RFX7: variants seen among roughly 807,000 people sequenced by gnomAD.
RFX7 encodes regulatory factor X7, also known as DNA-binding protein RFX7.
In RFX7, 26 loss-of-function variants were observed where a neutral mutation model predicts 111.8. The observed-to-expected ratio is 0.23, with a 90% CI of 0.17 to 0.32. The LOEUF (loss-of-function observed/expected upper bound fraction) is 0.32. Among genes scored for constraint, RFX7 ranks in the 10% least tolerant of loss-of-function variants. The pLI is 1.00. For synonymous variants in RFX7, 624 were observed against 624.4 expected (o/e 1.00, Z 0.01); for missense variants, 1,573 against 1,772.9 (o/e 0.89, Z 2.02).
chr15:56,141,223 C>T (rs1202229123), intron 5 of RFX7, among the ~76,000 whole-genome samples: 1 of 151,186 alleles, frequency 6.6e-6, no homozygotes, highest in Non-Finnish European at 1.5e-5. Flanking sequence ...TGATGCATGC[C>T]CATAGTGTTA....
intron 2 of RFX7, among the ~76,000 whole-genome samples, chr15:56,219,524 C>T (rs1458541751): frequency 2.6e-5 from 4 of 152,174 alleles, no homozygotes; most frequent in African/African-American, 9.7e-5. Flanking sequence ...TTACCCTCTA[C>T]CCTCAAGTAG....
At chr15:56,097,652 C>T (rs926268510) in intron 9 of RFX7, among the ~76,000 whole-genome samples, 1 of 141,252 alleles carries the variant, frequency 7.1e-6, no homozygotes, top group African/African-American at 2.6e-5. Flanking sequence ...GAGGCTGAGG[C>T]AGAATAATTG....
intron 2 of RFX7, among the ~76,000 whole-genome samples, chr15:56,203,549 G>A (rs1485520694): frequency 6.6e-6 from 1 of 152,164 alleles, no homozygotes; most frequent in Non-Finnish European, 1.5e-5. Context: ...TGCATTCCCA[G>A]ACATTAAGGC....
chr15:56,218,432 T>C (rs2043389777), intron 2 of RFX7, among the ~76,000 whole-genome samples: 1 of 152,122 alleles, frequency 6.6e-6, no homozygotes, highest in African/African-American at 2.4e-5. Context: ...ACACCCAGCC[T>C]AGAAACAATT....
At chr15:56,122,775 T>G (rs74805887) in intron 5 of RFX7, among the ~76,000 whole-genome samples, 9,933 of 152,078 alleles carry the variant, frequency 0.065, 441 homozygotes, top group Admixed American at 0.1. Flanking sequence ...TTCCTTCCCC[T>G]TTCCCTAGTC....
intron 2 of RFX7, among the ~76,000 whole-genome samples, chr15:56,234,305 T>C (rs112198228): frequency 3.3e-5 from 5 of 152,254 alleles, no homozygotes; most frequent in Admixed American, 1.3e-4. Flanking sequence ...TTTTATGCCT[T>C]GTATGTGGCA....
intron 4 of RFX7, 127 bp downstream of exon 4, chr15:56,144,274 C>T (rs1187114570): frequency 7.6e-6 from 2 of 263,932 alleles, no homozygotes; most frequent in East Asian, 8.2e-5. Context: ...ATTGTTTTGC[C>T]AGTATGTTTT....
intron 5 of RFX7, among the ~76,000 whole-genome samples, chr15:56,133,167 C>T (rs1292630798): frequency 6.6e-6 from 1 of 151,964 alleles, no homozygotes. Context: ...AATAATTTTC[C>T]TGAAGACATG....
At chr15:56,240,118 T>G (rs2043672084) in intron 2 of RFX7, among the ~76,000 whole-genome samples, 1 of 143,602 alleles carries the variant, frequency 7.0e-6, no homozygotes. Flanking sequence ...TTTTTTTTTT[T>G]TAACAACAAA....
chr15:56,151,550 C>T (rs1235644157), intron 3 of RFX7, among the ~76,000 whole-genome samples: 2 of 152,144 alleles, frequency 1.3e-5, no homozygotes, highest in Non-Finnish European at 2.9e-5. Context: ...ACAAGAGGTC[C>T]TGAAAGAAGC....
chr15:56,238,784 T>A (rs1192474038), intron 2 of RFX7, among the ~76,000 whole-genome samples: 1 of 152,186 alleles, frequency 6.6e-6, no homozygotes, highest in African/African-American at 2.4e-5. Context: ...CTATCTCTTA[T>A]CTGAAATGCG....
At chr15:56,240,305 A>G (rs2043674686) in intron 2 of RFX7, among the ~76,000 whole-genome samples, 1 of 152,118 alleles carries the variant, frequency 6.6e-6, no homozygotes, top group South Asian at 2.1e-4. Context: ...TTGTTAACCT[A>G]GAGTTAACTT....
rs1445858648 is a variant in RFX7, at chr15:56,136,026, G to A, written c.401+6752C>T. Among the ~76,000 whole-genome samples, 474 of 152,082 alleles carry A rather than the reference G, an allele frequency of 3.1e-3. 5 individuals are homozygous for A. Among genetic ancestry groups the A allele is most frequent in the African/African-American group, 0.01 (432 of 41,526 alleles). The stretch of plus-strand genomic sequence containing the variant: ...CTGTTTTGGTTACTGTAGCCTTGTA[G>A]TATAGTTTGAAGTCAGGTAGTGTGA... On this transcript the variant is annotated intron_variant, in intron 5 of 9. Coordinates refer to ENST00000559447, the MANE Select transcript of RFX7 (RefSeq NM_022841.7).
intron 2 of RFX7, among the ~76,000 whole-genome samples, chr15:56,231,695 A>T (rs2043559737): frequency 1.3e-5 from 2 of 152,160 alleles, no homozygotes; most frequent in Non-Finnish European, 2.9e-5. Flanking sequence ...CAGTCCCTCA[A>T]AGTCTTAACT....
At chr15:56,146,247 G>A (rs1035447732) in intron 3 of RFX7, among the ~76,000 whole-genome samples, 1 of 152,058 alleles carries the variant, frequency 6.6e-6, no homozygotes, top group Non-Finnish European at 1.5e-5. Context: ...AGAGGTGCGT[G>A]CCACCACAGC....
At chr15:56,170,626 T>C (rs1289332440) in intron 3 of RFX7, among the ~76,000 whole-genome samples, 2 of 152,044 alleles carry the variant, frequency 1.3e-5, no homozygotes, top group South Asian at 2.1e-4. Context: ...GTCTAAATCA[T>C]TACCACTAGC....
intron 2 of RFX7, among the ~76,000 whole-genome samples, chr15:56,196,498 C>A (rs1182194547): frequency 6.6e-6 from 1 of 151,926 alleles, no homozygotes; most frequent in Admixed American, 6.6e-5. Context: ...TATTTTGATA[C>A]ATTCTAGTTT....
chr15:56,095,012 A>G lies in RFX7; in HGVS notation c.2716T>C (p.Tyr906His). 2 of 1,613,810 alleles carry G rather than the reference A, an allele frequency of 1.2e-6. No homozygotes were observed. Among genetic ancestry groups the G allele is most frequent in the Non-Finnish European group, 1.7e-6 (2 of 1,179,780 alleles). Reference sequence around the variant, plus strand: ...AGGGTCATTCCCAAACAGTTGCCGTAAGAATGAGAATTGTTCATTGACATT... The same window carrying G: ...AGGGTCATTCCCAAACAGTTGCCGTGAGAATGAGAATTGTTCATTGACATT... Reference protein sequence around the residue: ...QQMSMNNSHSYGNCLGMTLQS... With the variant: ...QQMSMNNSHSHGNCLGMTLQS... The change falls in exon 10 of 10, where the codon TAC becomes CAC. Residue 906 changes from tyrosine (Y) to histidine (H), a missense_variant. Transcript: ENST00000559447.
chr15:56,094,741 C>T lies in RFX7; in HGVS notation c.2987G>A (p.Ser996Asn). The change falls in exon 10 of 10, where the codon AGT (serine) becomes AAT (asparagine). Residue 996 changes from serine to asparagine, a missense_variant. By Grantham distance (46) the Ser-to-Asn change is conservative (BLOSUM62 1). Coordinates refer to ENST00000559447, the MANE Select transcript of RFX7 (RefSeq NM_022841.7). ...AGTACCAATGGGTGTATGTCGGCTA[C>T]TTCCTAAAGCACTATCCACAGGTGT... ...QTTPVDSALG[S>N]SRHTPIGTPH... The T allele has an allele frequency of 1.2e-6, 2 of 1,613,804 alleles. No homozygotes were observed. Among genetic ancestry groups the T allele is most frequent in the South Asian group, 2.2e-5 (2 of 91,020 alleles).
Sources: gnomAD v4.1 joint callset for allele counts (sites outside exome capture counted in the v4.1 genomes callset) on GRCh38, gnomAD v4.1.1 for gene constraint, MANE v1.5 for transcripts, NCBI Gene and HGNC (gene_info 2026-07-23, HGNC 2026-07-21) for gene names.